The following RASEF variants were observed in gnomAD, a reference collection of about 807,000 sequenced individuals.
RASEF encodes the protein ras and EF-hand domain-containing protein.
Under a neutral mutation model 90.1 loss-of-function variants are expected in RASEF, and 68 were observed. That is an observed-to-expected ratio of 0.75 (90% CI 0.62 to 0.92). The LOEUF (loss-of-function observed/expected upper bound fraction) is 0.92. Among genes scored for constraint, RASEF ranks in the 40% least tolerant of loss-of-function variants. The probability of loss-of-function intolerance (pLI) is 0.00; values close to 1 mark genes in which losing one functional copy is unlikely to be tolerated. For missense variants in RASEF, 949 were observed against 937.2 expected, an observed-to-expected ratio of 1.01 and a Z score of -0.16; for synonymous variants, 331 against 345.2, an observed-to-expected ratio of 0.96 and a Z score of 0.46.
chr9:83,079,168 G>A, the RASEF span, among the ~76,000 whole-genome samples: 2 of 152,048 alleles, frequency 1.3e-5, no homozygotes, highest in African/African-American at 4.8e-5. Flanking sequence ...TGTCTTTCAG[G>A]GTTCCTATAG....
the RASEF span, among the ~76,000 whole-genome samples, chr9:83,101,395 C>T: frequency 1.7e-4 from 26 of 152,258 alleles, no homozygotes; most frequent in African/African-American, 5.8e-4. Flanking sequence ...CACAAGGCAG[C>T]CAAATACTTC....
chr9:82,981,530 G>A lies in RASEF; in HGVS notation c.*1147C>T, dbSNP rs369184377. 2.0e-5 allele frequency: 3 copies of A among 152,306 alleles called. No homozygotes were observed. The highest frequency in any genetic ancestry group is 4.4e-5 in the Non-Finnish European group (3 of 68,022). 9.4% of individuals were successfully genotyped at this position (152,306 alleles called of 1,614,324 possible). ...GGTTATGCTTCTAAACCATGGGAAG[G>A]TTTGAAATCAGCAGGGATACGAAAA... is the stretch of plus-strand genomic sequence containing the variant. On this transcript the variant is annotated 3_prime_UTR_variant, in exon 17 of 17. Coordinates refer to ENST00000376447, the MANE Select transcript of RASEF (RefSeq NM_152573.4).
At chr9:83,079,619 A>C in the RASEF span, among the ~76,000 whole-genome samples, 1 of 152,182 alleles carries the variant, frequency 6.6e-6, no homozygotes, top group Admixed American at 6.5e-5. Flanking sequence ...TCAATATGAG[A>C]TTTGGGCATG....
chr9:83,172,615 A>C, the RASEF span, among the ~76,000 whole-genome samples: 1 of 151,886 alleles, frequency 6.6e-6, no homozygotes, highest in African/African-American at 2.4e-5. Flanking sequence ...CTGATGACAC[A>C]ATGAAAAGAA....
upstream of RASEF, among the ~76,000 whole-genome samples, chr9:83,063,412 A>G (rs1830253549): frequency 6.6e-6 from 1 of 152,200 alleles, no homozygotes; most frequent in African/African-American, 2.4e-5. Flanking sequence ...AACCGCACAG[A>G]GGTAAGGTAG....
At chr9:83,122,101 G>A in the RASEF span, among the ~76,000 whole-genome samples, 2 of 152,158 alleles carry the variant, frequency 1.3e-5, no homozygotes, top group South Asian at 2.1e-4. Context: ...GGGAAGGGAA[G>A]GGCAAATTTT....
the RASEF span, among the ~76,000 whole-genome samples, chr9:83,201,405 C>T: frequency 6.6e-6 from 1 of 152,136 alleles, no homozygotes; most frequent in African/African-American, 2.4e-5. Flanking sequence ...TAGAGGATGC[C>T]AGAGTTCGGA....
the RASEF span, among the ~76,000 whole-genome samples, chr9:83,200,154 G>C: frequency 1.3e-5 from 2 of 152,216 alleles, no homozygotes; most frequent in African/African-American, 4.8e-5. Context: ...GCCAAGGCTG[G>C]TGTGTTTTTA....
At chr9:83,067,389 T>C (rs1177219562), upstream of RASEF, among the ~76,000 whole-genome samples, 2 of 152,186 alleles carry the variant, frequency 1.3e-5, no homozygotes, top group African/African-American at 4.8e-5. Flanking sequence ...TGTCAGCGTA[T>C]ATCATAGTGA....
At chr9:83,032,203 C>T (rs1053967873) in intron 1 of RASEF, among the ~76,000 whole-genome samples, 6 of 151,986 alleles carry the variant, frequency 3.9e-5, no homozygotes, top group Non-Finnish European at 5.9e-5. Flanking sequence ...TACCTTCTGA[C>T]GTCAAAGGTT....
chr9:83,214,741 T>C, the RASEF span, among the ~76,000 whole-genome samples: 28 of 152,042 alleles, frequency 1.8e-4, no homozygotes, highest in Non-Finnish European at 3.1e-4. Context: ...CCTGCTGCCA[T>C]GTAAGACATG....
intron 9 of RASEF, 115 bp from the exon 10 acceptor site, chr9:83,001,245 C>T (rs1244640419): frequency 5.4e-5 from 37 of 686,100 alleles, no homozygotes; most frequent in Middle Eastern, 3.1e-4. Flanking sequence ...GGCTAAGAGC[C>T]GCAGTGTTAT....
chr9:83,135,792 G>A, the RASEF span, among the ~76,000 whole-genome samples: 1 of 152,230 alleles, frequency 6.6e-6, no homozygotes, highest in East Asian at 1.9e-4. Context: ...TCACAAGTAT[G>A]TTAGAGGAGA....
At chr9:83,087,180 G>C in the RASEF span, among the ~76,000 whole-genome samples, 1 of 152,146 alleles carries the variant, frequency 6.6e-6, no homozygotes, top group Admixed American at 6.5e-5. Context: ...GAATGGTAGG[G>C]ACATTGAAGA....
the RASEF span, among the ~76,000 whole-genome samples, chr9:83,161,413 C>T: frequency 6.6e-6 from 1 of 152,124 alleles, no homozygotes; most frequent in South Asian, 2.1e-4. Flanking sequence ...TTGCATGGGG[C>T]CTGTAGCCCC....
chr9:83,007,702 C>G (rs1195223260), intron 6 of RASEF, among the ~76,000 whole-genome samples, 197 bp from the exon 7 acceptor site: 1 of 152,290 alleles, frequency 6.6e-6, no homozygotes, highest in South Asian at 2.1e-4. Context: ...CACAAACACA[C>G]TCACATCCTG....
At chr9:83,218,368 A>C in the RASEF span, among the ~76,000 whole-genome samples, 40 of 152,234 alleles carry the variant, frequency 2.6e-4, no homozygotes, top group Admixed American at 7.2e-4. Context: ...CTAACCCAGC[A>C]TATCAACCAG....
the RASEF span, among the ~76,000 whole-genome samples, chr9:83,125,117 T>C: frequency 6.6e-6 from 1 of 152,194 alleles, no homozygotes; most frequent in Non-Finnish European, 1.5e-5. Flanking sequence ...ATTTTTGTTT[T>C]GCTTTTTTGA....
At chr9:83,005,024 G>T (rs930382913) in intron 8 of RASEF, among the ~76,000 whole-genome samples, 4 of 152,266 alleles carry the variant, frequency 2.6e-5, no homozygotes, top group African/African-American at 4.8e-5. Context: ...AATGCAGTCT[G>T]GGAGAGGTCC....
Sources: allele counts gnomAD v4.1 joint callset (sites outside exome capture counted in the v4.1 genomes callset), GRCh38; gene constraint gnomAD v4.1.1; transcripts MANE v1.5; gene names NCBI Gene and HGNC (gene_info 2026-07-23, HGNC 2026-07-21).